The following ARMH3 variants were observed in gnomAD, a reference collection of about 807,000 sequenced individuals.
The protein encoded by ARMH3 is armadillo-like helical domain-containing protein 3.
Under a neutral mutation model 99.1 loss-of-function variants are expected in ARMH3, and 60 were observed. The ratio of observed to expected loss-of-function variants is 0.61; its 90% confidence interval spans 0.49 to 0.75. The LOEUF (loss-of-function observed/expected upper bound fraction) is 0.75, where lower values mean the gene tolerates loss of function less well. Ranked by LOEUF, ARMH3 falls within the 30% of genes least tolerant of loss-of-function variation. The probability of loss-of-function intolerance (pLI) is 0.00; values close to 1 mark genes in which losing one functional copy is unlikely to be tolerated. For synonymous variants in ARMH3, 285 were observed against 292.8 expected, an observed-to-expected ratio of 0.97 and a Z score of 0.27; for missense variants, 679 against 843.1, an observed-to-expected ratio of 0.81 and a Z score of 2.41.
At chr10:101,893,264 T>C (rs146820998) in intron 23 of ARMH3, among the ~76,000 whole-genome samples, 241 of 152,344 alleles carry the variant, frequency 1.6e-3, no homozygotes, top group African/African-American at 5.7e-3. Flanking sequence ...CAAATCAATC[T>C]ACCATTAGAC....
At chr10:101,972,038 T>C (rs1376639984) in intron 20 of ARMH3, among the ~76,000 whole-genome samples, 1 of 152,230 alleles carries the variant, frequency 6.6e-6, no homozygotes, top group East Asian at 1.9e-4. Flanking sequence ...TCAGATATCA[T>C]GGTGACATGC....
intron 1 of ARMH3, among the ~76,000 whole-genome samples, chr10:102,051,986 T>G (rs910126385): frequency 3.3e-5 from 5 of 152,188 alleles, no homozygotes; most frequent in Non-Finnish European, 7.3e-5. Context: ...AAATTCTGAT[T>G]AGAAACCACA....
At chr10:101,962,970 C>CT (rs11358645) in intron 20 of ARMH3, among the ~76,000 whole-genome samples, 1,478 of 131,754 alleles carry the variant, frequency 0.011, 19 homozygotes, top group South Asian at 0.016. Context: ...GTCTTTTTTT[C>CT]TTTTTTTTTT....
chr10:101,903,549 GC>G lies in ARMH3; in HGVS notation c.1782-14060del, dbSNP rs372260064. 4.3e-4 allele frequency among the ~76,000 whole-genome samples: 66 copies of G among 152,334 alleles called. No homozygotes were observed. The East Asian group carries it at 0.012, about 27-fold the overall frequency. Reference sequence around the variant, plus strand: ...GAAAGGACATTCTGAAGGACAGGGTGCTTGAGCAGAGTCTCAAAATATGAAT... The same window carrying G: ...GAAAGGACATTCTGAAGGACAGGGTGTTGAGCAGAGTCTCAAAATATGAAT... On this transcript the variant is annotated intron_variant, in intron 23 of 25. Transcript: ENST00000370033.
At chr10:101,934,111 T>C (rs1200022875) in intron 23 of ARMH3, among the ~76,000 whole-genome samples, 1 of 152,268 alleles carries the variant, frequency 6.6e-6, no homozygotes, top group Non-Finnish European at 1.5e-5. Flanking sequence ...TTCAGAATTC[T>C]GTACACAGCC....
At chr10:102,014,147 A>G in intron 8 of ARMH3, 123 bp from the exon 9 acceptor site, 1 of 690,720 alleles carries the variant, frequency 1.4e-6, no homozygotes, top group Non-Finnish European at 2.5e-6. Context: ...TGCTCCTGAT[A>G]CACAGTCCCA....
At chr10:101,955,811 A>G (rs961723284) in intron 22 of ARMH3, among the ~76,000 whole-genome samples, 1 of 152,228 alleles carries the variant, frequency 6.6e-6, no homozygotes, top group Non-Finnish European at 1.5e-5. Context: ...GAGGTGACGG[A>G]TATGGTTATT....
In ARMH3 at chr10:101,923,761, G is replaced by A. The variant is rs561570349; in HGVS notation, c.1781+16102C>T. The stretch of plus-strand genomic sequence containing the variant: ...TCCAAATGGTGAATCCCTCTGTTGC[G>A]GTTTTGGGAGAGTAGGAGGCTACAG... On this transcript the variant is annotated intron_variant, in intron 23 of 25. Transcript: ENST00000370033. 9.9e-5 allele frequency among the ~76,000 whole-genome samples: 15 copies of A among 152,100 alleles called. 1 individual carries two copies. The highest frequency in any genetic ancestry group is 8.3e-4 in the South Asian group (4 of 4,800).
At chr10:101,873,896 T>C (rs755864724) in intron 24 of ARMH3, among the ~76,000 whole-genome samples, 4 of 152,166 alleles carry the variant, frequency 2.6e-5, no homozygotes, top group Non-Finnish European at 5.9e-5. Context: ...CTAATGGACA[T>C]TTAGGTTGTT....
At chr10:101,916,694 T>C (rs995272993) in intron 23 of ARMH3, among the ~76,000 whole-genome samples, 8 of 152,202 alleles carry the variant, frequency 5.3e-5, no homozygotes, top group Non-Finnish European at 1.2e-4. Flanking sequence ...TCTGAGTGTG[T>C]TGACAGGGGT....
At chr10:101,976,992 T>C (rs933046055) in intron 19 of ARMH3, among the ~76,000 whole-genome samples, 4 of 151,874 alleles carry the variant, frequency 2.6e-5, no homozygotes, top group African/African-American at 9.7e-5. Flanking sequence ...CTTTCTTTTC[T>C]TTTTTTTGCT....
chr10:101,942,057 C>T (rs1210760548), intron 22 of ARMH3, among the ~76,000 whole-genome samples: 1 of 152,158 alleles, frequency 6.6e-6, no homozygotes, highest in East Asian at 1.9e-4. Context: ...ACTGAACAGG[C>T]ACCCAGATGA....
At chr10:101,850,502 G>A in intron 24 of ARMH3, among the ~76,000 whole-genome samples, 1 of 150,950 alleles carries the variant, frequency 6.6e-6, no homozygotes, top group Non-Finnish European at 1.5e-5. Context: ...TCAGCTCACT[G>A]CAACCTCTGC....
At chr10:101,955,701 G>A (rs1844999655) in intron 22 of ARMH3, among the ~76,000 whole-genome samples, 1 of 152,176 alleles carries the variant, frequency 6.6e-6, no homozygotes, top group South Asian at 2.1e-4. Flanking sequence ...AATCTACAGT[G>A]ACAGAGGCAA....
At chr10:102,028,879 T>C (rs2067059581) in intron 5 of ARMH3, among the ~76,000 whole-genome samples, 1 of 152,182 alleles carries the variant, frequency 6.6e-6, no homozygotes, top group South Asian at 2.1e-4. Flanking sequence ...TTTATTTATT[T>C]TCTTCTTTTT....
chr10:102,010,186 A>T (rs554230177), intron 11 of ARMH3, among the ~76,000 whole-genome samples, 163 bp from the exon 12 acceptor site: 2 of 152,346 alleles, frequency 1.3e-5, no homozygotes, highest in Admixed American at 6.5e-5. Flanking sequence ...CCCACTTTGA[A>T]AATCTTAAAA....
intron 22 of ARMH3, among the ~76,000 whole-genome samples, chr10:101,954,387 T>C (rs1844935986): frequency 1.3e-5 from 2 of 152,110 alleles, no homozygotes; most frequent in South Asian, 4.1e-4. Flanking sequence ...ATAGATGCAA[T>C]GACAAGGATG....
chr10:102,020,091 GT>G (rs2066846503), intron 8 of ARMH3, among the ~76,000 whole-genome samples: 1 of 151,844 alleles, frequency 6.6e-6, no homozygotes, highest in Admixed American at 6.6e-5. Context: ...ATGTGTTTGT[GT>G]TTCAAGCTAA....
chr10:102,035,956 G>A (rs1348887242), intron 2 of ARMH3, among the ~76,000 whole-genome samples: 1 of 151,610 alleles, frequency 6.6e-6, no homozygotes. Flanking sequence ...TCTAGGAAGT[G>A]AGGAGCGTCT....
Sources: allele counts gnomAD v4.1 joint callset (sites outside exome capture counted in the v4.1 genomes callset), GRCh38; gene constraint gnomAD v4.1.1; transcripts MANE v1.5; gene names NCBI Gene and HGNC (gene_info 2026-07-23, HGNC 2026-07-21).